PTGER3: variants seen among roughly 807,000 people sequenced by gnomAD.
The protein encoded by PTGER3 is prostaglandin E2 receptor EP3 subtype.
Under a neutral mutation model 34.7 loss-of-function variants are expected in PTGER3, and 22 were observed. The ratio of observed to expected loss-of-function variants is 0.63; its 90% CI spans 0.45 to 0.91. The LOEUF (loss-of-function observed/expected upper bound fraction) is 0.91. PTGER3 is among the 40% of genes least tolerant of loss of function. The pLI, the probability that PTGER3 is intolerant of heterozygous loss-of-function variation, is 0.00. For synonymous variants in PTGER3, 241 were observed against 230.1 expected (o/e 1.05, Z -0.43); for missense variants, 468 against 519.4 (o/e 0.90, Z 0.96).
At chr1:70,916,319 T>C (rs1444825236) in intron 4 of PTGER3, among the ~76,000 whole-genome samples, 3 of 152,062 alleles carry the variant, frequency 2.0e-5, no homozygotes, top group African/African-American at 4.8e-5. Context: ...TGGAAATCAG[T>C]TGGGAGATTT....
At chr1:70,997,921 A>G (rs1329218227) in intron 2 of PTGER3, among the ~76,000 whole-genome samples, 2 of 152,236 alleles carry the variant, frequency 1.3e-5, no homozygotes, top group African/African-American at 4.8e-5. Context: ...CCATCCATCT[A>G]CAGCAAACTC....
At chr1:70,985,268 G>A (rs773402630) in intron 2 of PTGER3, among the ~76,000 whole-genome samples, 12 of 152,110 alleles carry the variant, frequency 7.9e-5, no homozygotes, top group Non-Finnish European at 1.5e-4. Flanking sequence ...CACCGCATGC[G>A]TGTGTGGACA....
chr1:70,927,483 G>C (rs1190459050), intron 4 of PTGER3, among the ~76,000 whole-genome samples: 3 of 152,162 alleles, frequency 2.0e-5, no homozygotes, highest in Non-Finnish European at 2.9e-5. Flanking sequence ...TACCGTGATA[G>C]AGAGGATAGC....
chr1:70,994,654 C>T (rs1164032884), intron 2 of PTGER3, among the ~76,000 whole-genome samples: 2 of 152,002 alleles, frequency 1.3e-5, no homozygotes, highest in Non-Finnish European at 2.9e-5. Flanking sequence ...GACAGGGTTT[C>T]CCCATGTTGG....
At chr1:70,871,507 C>T (rs537409382) in intron 4 of PTGER3, among the ~76,000 whole-genome samples, 13 of 152,236 alleles carry the variant, frequency 8.5e-5, no homozygotes, top group African/African-American at 3.1e-4. Flanking sequence ...GAGACTATGT[C>T]CATGTCGGTA....
chr1:70,963,723 G>A (rs189182012), intron 2 of PTGER3, among the ~76,000 whole-genome samples: 20 of 152,266 alleles, frequency 1.3e-4, no homozygotes, highest in African/African-American at 4.6e-4. Flanking sequence ...CGATGGAGGG[G>A]CTACCAGGAA....
intron 2 of PTGER3, chr1:71,010,895 C>T (rs1657383041): frequency 1.0e-6 from 1 of 985,102 alleles, no homozygotes; most frequent in Non-Finnish European, 1.2e-6. Flanking sequence ...ACTAAACACA[C>T]ACAGAAATAT....
rs770385844 is a variant in PTGER3 at position 70,974,362 on chromosome 1, T to A, written c.1104A>T (p.Ala368=). 1.7e-6 allele frequency: 2 copies of A among 1,185,206 alleles called. No homozygotes were observed. The highest frequency in any genetic ancestry group is 4.7e-5 in the East Asian group (2 of 42,932). The allele number at this position is 1,185,206 out of a possible 1,614,324, so 73.4% of individuals were successfully genotyped here. A position where few individuals can be genotyped will look rare whatever the true frequency, so the allele number is the denominator to read the frequency against. The change falls in exon 3 of 4, where the codon GCA becomes GCT. Residue 368 remains alanine (A), a synonymous_variant. Coordinates refer to ENST00000306666, the MANE Select transcript of PTGER3 (RefSeq NM_198719.2). ...CQIRYHTNNY[A]SSSTSLPCQC... is the part of the protein sequence containing the mutation. ...GGCAGGGTAAGGAGGTGGAGCTGGA[T>A]GCATAGTTGTTTGTGTGGTACCTGA...
At chr1:70,994,705 C>T (rs1008203199) in intron 2 of PTGER3, among the ~76,000 whole-genome samples, 1 of 152,158 alleles carries the variant, frequency 6.6e-6, no homozygotes, top group Non-Finnish European at 1.5e-5. Context: ...ATCCACCCCC[C>T]TCAGCCTCCT....
chr1:70,953,081 G>T, intron 3 of PTGER3: 1 of 1,533,836 alleles, frequency 6.5e-7, no homozygotes, highest in South Asian at 1.3e-5. Flanking sequence ...TCAAAATATT[G>T]AGAAAAGAAA....
intron 1 of PTGER3, among the ~76,000 whole-genome samples, chr1:71,023,607 T>C (rs1228656531): frequency 1.3e-5 from 2 of 151,940 alleles, no homozygotes; most frequent in Admixed American, 6.5e-5. Flanking sequence ...TTCAACATTT[T>C]CAAAATGAAA....
chr1:70,932,684 A>T (rs1648825633), intron 4 of PTGER3, among the ~76,000 whole-genome samples: 1 of 152,208 alleles, frequency 6.6e-6, no homozygotes, highest in African/African-American at 2.4e-5. Flanking sequence ...GATTTATATT[A>T]TCTCCCACCT....
At chr1:71,004,856 T>C (rs1381841317) in intron 2 of PTGER3, among the ~76,000 whole-genome samples, 1 of 152,232 alleles carries the variant, frequency 6.6e-6, no homozygotes, top group East Asian at 1.9e-4. Flanking sequence ...ACCACATTTT[T>C]GTGCAGTCAG....
At chr1:70,972,309 G>T (rs764662969) in intron 3 of PTGER3, among the ~76,000 whole-genome samples, 1 of 152,102 alleles carries the variant, frequency 6.6e-6, no homozygotes, top group South Asian at 2.1e-4. Context: ...TTGACAGAGC[G>T]AGACTCCATC....
chr1:70,861,256 A>C (rs1288145320), intron 4 of PTGER3, among the ~76,000 whole-genome samples: 2 of 152,214 alleles, frequency 1.3e-5, no homozygotes, highest in African/African-American at 4.8e-5. Context: ...TTGGCTTGTG[A>C]AAATTGTAGA....
intron 2 of PTGER3, among the ~76,000 whole-genome samples, chr1:70,994,303 G>C (rs1424645460): frequency 6.6e-6 from 1 of 152,138 alleles, no homozygotes; most frequent in Non-Finnish European, 1.5e-5. Flanking sequence ...GACACCAAGG[G>C]ACCTTTACCG....
intron 4 of PTGER3, among the ~76,000 whole-genome samples, chr1:70,943,406 T>G (rs1408201537): frequency 1.3e-5 from 2 of 152,190 alleles, no homozygotes; most frequent in Non-Finnish European, 2.9e-5. Context: ...CCATTTTTCA[T>G]ATTGTTTTGT....
At position 71,046,930 on chromosome 1, in the gene PTGER3, G is replaced by T. The variant is rs1557777120; in HGVS notation, c.648C>A (p.Gly216=). ...AGTTATGCGAAGAGCTAGTCCCGTT[G>T]CCCCCTCGCCCGGTGCTGATGAAGC... The part of the protein sequence containing the change: ...TWCFISTGRG[G]NGTSSSHNWG... Residue 216 remains glycine, a synonymous_variant, in exon 1 of 4, where the codon GGC becomes GGA. Coordinates refer to ENST00000306666, the MANE Select transcript of PTGER3 (RefSeq NM_198719.2). 1.2e-6 allele frequency: 2 copies of T among 1,607,106 alleles called. No individual in the cohort carries two copies. The highest frequency in any genetic ancestry group is 3.4e-5 in the Admixed American group (2 of 59,696).
chr1:70,898,948 C>G (rs1646778896), intron 4 of PTGER3, among the ~76,000 whole-genome samples: 1 of 152,070 alleles, frequency 6.6e-6, no homozygotes, highest in African/African-American at 2.4e-5. Flanking sequence ...CATCACTCAC[C>G]TCCCATCTGA....
Sources: gnomAD v4.1 joint callset for allele counts (sites outside exome capture counted in the v4.1 genomes callset) on GRCh38, gnomAD v4.1.1 for gene constraint, MANE v1.5 for transcripts, NCBI Gene and HGNC (gene_info 2026-07-23, HGNC 2026-07-21) for gene names.